The following TAS2R1 variants were observed in gnomAD, a reference collection of about 807,000 sequenced individuals.
TAS2R1 encodes taste 2 receptor member 1.
For missense variants in TAS2R1, 370 were observed against 353.4 expected, an observed-to-expected ratio of 1.05 and a Z score of -0.38; for synonymous variants, 141 against 134.2, an observed-to-expected ratio of 1.05 and a Z score of -0.35.
At chr5:9,702,548 T>C (rs1741510796) in intron 1 of TAS2R1, among the ~76,000 whole-genome samples, 1 of 152,160 alleles carries the variant, frequency 6.6e-6, no homozygotes, top group African/African-American at 2.4e-5. Context: ...CTGGAAATGA[T>C]TAGAAACCCA....
chr5:9,887,045 T>TA, the TAS2R1 span, among the ~76,000 whole-genome samples: 68 of 152,252 alleles, frequency 4.5e-4, no homozygotes, highest in African/African-American at 1.5e-3. Flanking sequence ...TGCTGGAGCA[T>TA]AAAAAATAAT....
chr5:9,873,329 C>A, the TAS2R1 span, among the ~76,000 whole-genome samples: 1 of 151,944 alleles, frequency 6.6e-6, no homozygotes, highest in Non-Finnish European at 1.5e-5. Flanking sequence ...GAACCCCAAG[C>A]ATCTGGTCTG....
chr5:9,704,524 C>A (rs775645230), intron 1 of TAS2R1, among the ~76,000 whole-genome samples: 1 of 151,944 alleles, frequency 6.6e-6, no homozygotes, highest in Non-Finnish European at 1.5e-5. Context: ...GATGAAGAAA[C>A]CAAATGAAGT....
chr5:9,728,212 A>C, the TAS2R1 span, among the ~76,000 whole-genome samples: 1 of 152,234 alleles, frequency 6.6e-6, no homozygotes, highest in African/African-American at 2.4e-5. Flanking sequence ...AAAATCTTGC[A>C]CAACAGAGAT....
At chr5:9,818,249 G>A in the TAS2R1 span, among the ~76,000 whole-genome samples, 3 of 152,148 alleles carry the variant, frequency 2.0e-5, no homozygotes, top group African/African-American at 7.2e-5. Context: ...ATATTAAGGG[G>A]AGGCTGTCAG....
At chr5:9,845,341 T>G in the TAS2R1 span, among the ~76,000 whole-genome samples, 1 of 152,212 alleles carries the variant, frequency 6.6e-6, no homozygotes, top group African/African-American at 2.4e-5. Flanking sequence ...GTTATTAAAT[T>G]TAAAAACTAG....
the TAS2R1 span, among the ~76,000 whole-genome samples, chr5:9,769,763 A>G: frequency 2.4e-4 from 37 of 152,094 alleles, no homozygotes; most frequent in Non-Finnish European, 2.5e-4. Flanking sequence ...CTGGATTGTT[A>G]GATTTTTTTT....
intron 1 of TAS2R1, among the ~76,000 whole-genome samples, chr5:9,696,701 G>C (rs190195745): frequency 6.6e-6 from 1 of 152,200 alleles, no homozygotes; most frequent in East Asian, 1.9e-4. Context: ...GAAACAAAGT[G>C]AACTAAACAA....
the TAS2R1 span, among the ~76,000 whole-genome samples, chr5:9,827,477 T>C: frequency 5.8e-4 from 88 of 152,202 alleles, no homozygotes; most frequent in East Asian, 0.016. Flanking sequence ...GGCTCATGCT[T>C]GAATGTCAGC....
upstream of TAS2R1, among the ~76,000 whole-genome samples, chr5:9,717,077 C>T (rs1170355475): frequency 6.6e-6 from 1 of 152,060 alleles, no homozygotes; most frequent in African/African-American, 2.4e-5. Context: ...CAGAAAAGAG[C>T]TAAGAAAATA....
chr5:9,786,323 T>C, the TAS2R1 span, among the ~76,000 whole-genome samples: 1 of 152,216 alleles, frequency 6.6e-6, no homozygotes, highest in Non-Finnish European at 1.5e-5. Flanking sequence ...CAAAGACCCA[T>C]ATGAAAGTTC....
chr5:9,900,935 C>T, the TAS2R1 span, among the ~76,000 whole-genome samples: 12 of 152,246 alleles, frequency 7.9e-5, no homozygotes, highest in African/African-American at 2.4e-5. Flanking sequence ...TGCATTCAGC[C>T]GCAACAGAGC....
At chr5:9,882,000 T>G in the TAS2R1 span, among the ~76,000 whole-genome samples, 1 of 152,154 alleles carries the variant, frequency 6.6e-6, no homozygotes, top group South Asian at 2.1e-4. Flanking sequence ...AAGTGAAAAT[T>G]GACAAACAGA....
At chr5:9,900,804 T>C in the TAS2R1 span, among the ~76,000 whole-genome samples, 2 of 152,004 alleles carry the variant, frequency 1.3e-5, no homozygotes, top group Non-Finnish European at 2.9e-5. Flanking sequence ...TTTGTATTTT[T>C]AGTAGAGACG....
the TAS2R1 span, among the ~76,000 whole-genome samples, chr5:9,841,054 C>A: frequency 6.6e-6 from 1 of 151,938 alleles, no homozygotes; most frequent in Non-Finnish European, 1.5e-5. Flanking sequence ...GGTCTTTCAG[C>A]ACTTTAAAGC....
At chr5:9,738,833 A>G in the TAS2R1 span, among the ~76,000 whole-genome samples, 1 of 152,052 alleles carries the variant, frequency 6.6e-6, no homozygotes, top group South Asian at 2.1e-4. Context: ...CAACACCCAA[A>G]TATCCCACTA....
In TAS2R1 at chr5:9,670,232, T is replaced by C. The variant is rs558690242; in HGVS notation, c.-241-10651A>G. Reference sequence around the variant, plus strand: ...ATTAAATCCCTGAACAGATCAATAATGAGTTGTATTAAATCAAGTTTAGCC... The same window carrying C: ...ATTAAATCCCTGAACAGATCAATAACGAGTTGTATTAAATCAAGTTTAGCC... On this transcript the variant is annotated intron_variant, in intron 1 of 2. Transcript: ENST00000506620. Among the ~76,000 whole-genome samples the C allele has an allele frequency of 8.5e-5, 13 of 152,144 alleles. No homozygotes were observed. In the East Asian group the frequency reaches 2.5e-3, roughly 29 times the overall value.
In TAS2R1 at chr5:9,630,146, CAATA is replaced by C; in HGVS notation, c.-118_-115del. ...GGACTCCTCTGGGGAAGAAGACTAACAATAAAGGCATGGGGCAGGAAGGTGGTGT... is the reference window on the plus strand; with the variant it reads ...GGACTCCTCTGGGGAAGAAGACTAACAAGGCATGGGGCAGGAAGGTGGTGT... On this transcript the variant is annotated 5_prime_UTR_variant, in exon 1 of 1. It introduces an in-frame stop codon into an upstream open reading frame of the 5' UTR. Coordinates refer to ENST00000382492, the MANE Select transcript of TAS2R1 (RefSeq NM_019599.3). The C allele has an allele frequency of 1.2e-6, 1 of 850,044 alleles. No homozygotes were observed. The highest frequency in any genetic ancestry group is 2.3e-5 in the South Asian group (1 of 44,046). 52.7% of individuals were successfully genotyped at this position (850,044 alleles called of 1,614,324 possible). A position where few individuals can be genotyped will look rare whatever the true frequency, so the allele number is the denominator to read the frequency against.
At chr5:9,767,014 A>C in the TAS2R1 span, among the ~76,000 whole-genome samples, 1 of 151,974 alleles carries the variant, frequency 6.6e-6, no homozygotes, top group Non-Finnish European at 1.5e-5. Context: ...AACAACACCT[A>C]CACATGGATG....
Sources: gnomAD v4.1 joint callset for allele counts (sites outside exome capture counted in the v4.1 genomes callset) on GRCh38, gnomAD v4.1.1 for gene constraint, MANE v1.5 for transcripts, NCBI Gene and HGNC (gene_info 2026-07-23, HGNC 2026-07-21) for gene names.